Variants in NRBP2 observed in about 807,000 individuals in gnomAD.
NRBP2 encodes the protein nuclear receptor-binding protein 2.
In NRBP2, 47 loss-of-function variants were observed where a neutral mutation model predicts 74.4. That is an observed-to-expected ratio of 0.63 (90% CI 0.50 to 0.81). The LOEUF (loss-of-function observed/expected upper bound fraction) is 0.81, where lower values mean the gene tolerates loss of function less well. Ranked by LOEUF, NRBP2 falls within the 30% of genes least tolerant of loss-of-function variation. NRBP2 has a pLI of 0.00. For missense variants in NRBP2, 613 were observed against 690.1 expected (o/e 0.89, Z 1.25); for synonymous variants, 312 against 273.8 (o/e 1.14, Z -1.38).
In NRBP2 at chr8:143,839,123, G is replaced by C; in HGVS notation, c.605-23C>G. 6.6e-7 allele frequency: 1 copy of C among 1,512,946 alleles called. No homozygotes were observed. The highest frequency in any genetic ancestry group is 8.8e-7 in the Non-Finnish European group (1 of 1,132,798). 93.7% of individuals were successfully genotyped at this position (1,512,946 alleles called of 1,614,324 possible). ...GTGCTGTGGGAGGGCGCAGAGCTGA[G>C]CGGGCGGGGACCTCTCCAGGACCCC... is the stretch of plus-strand genomic sequence containing the variant. On this transcript the variant is annotated intron_variant, in intron 7 of 17. Transcript: ENST00000442628. This position sits in a 1 kb window ranked among gnomAD's most constrained non-coding sequence, Gnocchi z 5.1.
Position 143,835,801 on chromosome 8 carries a change from G to GCCGCA in NRBP2, c.1437+14_1437+18dup, listed in dbSNP as rs781785008. 6.2e-7 allele frequency: 1 copy of GCCGCA among 1,600,904 alleles called. No homozygotes were observed. Among genetic ancestry groups the GCCGCA allele is most frequent in the Non-Finnish European group, 8.5e-7 (1 of 1,174,448 alleles). The stretch of plus-strand genomic sequence containing the variant: ...CCGTGCGCCCCCTCCGCCAGGCCGC[G>GCCGCA]CCGCACCGCCCAGCGCACCTCGTGG... On this transcript the variant is annotated intron_variant, in intron 17 of 17. Coordinates refer to ENST00000442628, the MANE Select transcript of NRBP2 (RefSeq NM_178564.4). This position sits in a 1 kb window ranked among gnomAD's most constrained non-coding sequence, Gnocchi z 4.9.
Position 143,838,674 on chromosome 8 carries a change from G to A in NRBP2, c.840+6C>T. On this transcript the variant is annotated splice_donor_region_variant and intron_variant, in intron 10 of 17. Coordinates refer to ENST00000442628, the MANE Select transcript of NRBP2 (RefSeq NM_178564.4). The stretch of plus-strand genomic sequence containing the variant: ...CAGCTGGGGAGGGGCAGGGCAAGCT[G>A]CTTACCCGCATGTTGGGGTCACTCA... 6.2e-7 allele frequency: 1 copy of A among 1,600,634 alleles called. No individual in the cohort carries two copies. The highest frequency in any genetic ancestry group is 8.5e-7 in the Non-Finnish European group (1 of 1,172,834).
chr8:143,834,465 C>CT lies in NRBP2; in HGVS notation c.*1196dup, dbSNP rs1442092783. On this transcript the variant is annotated 3_prime_UTR_variant, in exon 18 of 18. Coordinates refer to ENST00000442628, the MANE Select transcript of NRBP2 (RefSeq NM_178564.4). ...TAGAACCTCCAGGAAGGAAGGCAGCCTGCCAGCCTTGATTCTAGTCCAGTG... is the reference window on the plus strand; with the variant it reads ...TAGAACCTCCAGGAAGGAAGGCAGCCTTGCCAGCCTTGATTCTAGTCCAGTG... The CT allele has an allele frequency of 6.6e-6, 1 of 152,222 alleles. No individual in the cohort carries two copies. The highest frequency in any genetic ancestry group is 6.5e-5 in the Admixed American group (1 of 15,286). 9.4% of individuals were successfully genotyped at this position (152,222 alleles called of 1,614,324 possible).
At position 143,836,119 on chromosome 8, in the gene NRBP2, C is replaced by T. The variant is rs782290898; in HGVS notation, c.1317+8G>A. On this transcript the variant is annotated splice_region_variant and intron_variant, in intron 15 of 17. Coordinates refer to ENST00000442628, the MANE Select transcript of NRBP2 (RefSeq NM_178564.4). ...CACGGCAGCGCCGCCCTCCCAGGCC[C>T]CGCTCACATGCCAGCGCGCCTTGTC... The T allele has an allele frequency of 1.2e-6, 2 of 1,601,884 alleles. No individual in the cohort carries two copies. The highest frequency in any genetic ancestry group is 3.5e-5 in the Admixed American group (2 of 57,890).
intron 14 of NRBP2, 97 bp downstream of exon 14, chr8:143,836,942 C>CT: frequency 7.3e-7 from 1 of 1,374,772 alleles, no homozygotes; most frequent in Non-Finnish European, 1.0e-6. Flanking sequence ...GAGAGCTGGG[C>CT]TGTGGGGATG....
downstream of NRBP2, among the ~76,000 whole-genome samples, chr8:143,831,240 A>T (rs781991327): frequency 5.9e-5 from 9 of 152,242 alleles, no homozygotes; most frequent in Non-Finnish European, 2.9e-5. Context: ...ATTTTTACTG[A>T]TGGGCAACAT....
rs1554652276 is a variant in NRBP2 at position 143,837,594 on chromosome 8, G to C, written c.973+29C>G. On this transcript the variant is annotated intron_variant, in intron 11 of 17. Transcript: ENST00000442628. This position sits in a 1 kb window ranked among gnomAD's most constrained non-coding sequence, Gnocchi z 4.3. Reference sequence around the variant, plus strand: ...CCACGTCCCAACCTCCACCTCCCCAGCCACCCCCCGGGCCGGCCTGCTGCT... The same window carrying C: ...CCACGTCCCAACCTCCACCTCCCCACCCACCCCCCGGGCCGGCCTGCTGCT... 6.3e-7 allele frequency: 1 copy of C among 1,596,106 alleles called. No homozygotes were observed. Among genetic ancestry groups the C allele is most frequent in the Non-Finnish European group, 8.5e-7 (1 of 1,172,188 alleles).
At position 143,839,630 on chromosome 8, in the gene NRBP2, G is replaced by C; in HGVS notation, c.445-81C>G. Reference sequence around the variant, plus strand: ...CCTGCGGAGCCCGCCCCGCATCCTCGCCCAGCCCCTGTCCGAGGCCGCCGG... The same window carrying C: ...CCTGCGGAGCCCGCCCCGCATCCTCCCCCAGCCCCTGTCCGAGGCCGCCGG... On this transcript the variant is annotated intron_variant, in intron 4 of 17. Coordinates refer to ENST00000442628, the MANE Select transcript of NRBP2 (RefSeq NM_178564.4). This position sits in a 1 kb window ranked among gnomAD's most constrained non-coding sequence, Gnocchi z 5.1. 2.7e-6 allele frequency: 4 copies of C among 1,508,446 alleles called. No individual in the cohort carries two copies. Among genetic ancestry groups the C allele is most frequent in the Non-Finnish European group, 3.5e-6 (4 of 1,132,926 alleles). 93.4% of individuals were successfully genotyped at this position (1,508,446 alleles called of 1,614,324 possible).
At position 143,839,591 on chromosome 8, in the gene NRBP2, G is replaced by A. The variant is rs1554653089; in HGVS notation, c.445-42C>T. The A allele has an allele frequency of 1.3e-6, 2 of 1,519,022 alleles. No individual in the cohort carries two copies. The highest frequency in any genetic ancestry group is 2.5e-5 in the East Asian group (1 of 40,672). 94.1% of individuals were successfully genotyped at this position (1,519,022 alleles called of 1,614,324 possible). A position where few individuals can be genotyped will look rare whatever the true frequency, so the allele number is the denominator to read the frequency against. The stretch of plus-strand genomic sequence containing the variant: ...GACTCCGTCGGTCGGGTGGGCGCAG[G>A]AGAGGCGGCTGGGCCTGCGGAGCCC... On this transcript the variant is annotated intron_variant, in intron 4 of 17. Transcript: ENST00000442628. This position sits in a 1 kb window ranked among gnomAD's most constrained non-coding sequence, Gnocchi z 5.1.
rs1818360201 is a variant in NRBP2 at position 143,836,010 on chromosome 8, C to T, written c.1338G>A (p.Leu446=). The T allele has an allele frequency of 6.3e-7, 1 of 1,576,682 alleles. No individual in the cohort carries two copies. The change falls in exon 16 of 18, where the codon CTG becomes CTA. Residue 446 remains leucine (L), a synonymous_variant. Coordinates refer to ENST00000442628, the MANE Select transcript of NRBP2 (RefSeq NM_178564.4). ...ARWHLTLLLV[L]EDRLHRQLTY... is the part of the protein sequence containing the mutation. ...TCAGCTGCCGGTGCAGCCGGTCTTC[C>T]AGCACCAGAAGCAGAGTGAGCTGGG...
rs1234499502 is a variant in NRBP2, at chr8:143,835,752, G to T, written c.1438-22C>A. On this transcript the variant is annotated intron_variant, in intron 17 of 17. Transcript: ENST00000442628. This position sits in a 1 kb window ranked among gnomAD's most constrained non-coding sequence, Gnocchi z 4.9. ...CGTCCTGCGGAAGGAGGGAGGCATG[G>T]GGGACGGAGGGGCGCGGCCTGCCCC... The T allele has an allele frequency of 2.5e-6, 4 of 1,594,498 alleles. No homozygotes were observed. The East Asian group carries it at 9.0e-5, about 36-fold the overall frequency.
rs1381529619 is a variant in NRBP2, at chr8:143,835,476, C to T, written c.*186G>A. On this transcript the variant is annotated 3_prime_UTR_variant, in exon 18 of 18. Coordinates refer to ENST00000442628, the MANE Select transcript of NRBP2 (RefSeq NM_178564.4). This position sits in a 1 kb window ranked among gnomAD's most constrained non-coding sequence, Gnocchi z 4.9. ...AGGCCTAACGGCTCCCCCACACCCA[C>T]CCCCCAACCCCTCGGCGCCCAAGGC... The T allele has an allele frequency of 2.0e-5, 13 of 661,878 alleles. No individual in the cohort carries two copies. Among genetic ancestry groups the T allele is most frequent in the South Asian group, 3.4e-5 (2 of 59,676 alleles). The allele number at this position is 661,878 out of a possible 1,614,324, so 41.0% of individuals were successfully genotyped here.
rs1333458242 is a variant in NRBP2 at position 143,839,696 on chromosome 8, C to T, written c.444+40G>A. ...CCCAGTCCCCGAGGCTGCCCCAACC[C>T]CGTCCTGTCCCCGTGGCTGCCCCAG... On this transcript the variant is annotated intron_variant, in intron 4 of 17. Transcript: ENST00000442628. The surrounding 1 kb of genome is among the most constrained non-coding windows in gnomAD (Gnocchi z 5.1). The T allele has an allele frequency of 2.3e-5, 36 of 1,533,206 alleles. No homozygotes were observed. Among genetic ancestry groups the T allele is most frequent in the Non-Finnish European group, 3.1e-5 (36 of 1,145,978 alleles). The allele number at this position is 1,533,206 out of a possible 1,614,324, so 95.0% of individuals were successfully genotyped here.
Position 143,839,860 on chromosome 8 carries a change from C to T in NRBP2, c.355-35G>A, listed in dbSNP as rs1160938999. 6.5e-7 allele frequency: 1 copy of T among 1,535,258 alleles called. No individual in the cohort carries two copies. The highest frequency in any genetic ancestry group is 8.7e-7 in the Non-Finnish European group (1 of 1,146,122). On this transcript the variant is annotated intron_variant, in intron 3 of 17. Coordinates refer to ENST00000442628, the MANE Select transcript of NRBP2 (RefSeq NM_178564.4). The surrounding 1 kb of genome is among the most constrained non-coding windows in gnomAD (Gnocchi z 5.1). ...GCGAGCTCAGGATTTCCACCAGCTG[C>T]GGGTTCGTCCCCATGCCCGCCCCAC...
At chr8:143,838,964 G>A (rs1472673815) in intron 8 of NRBP2, 26 bp from the exon 9 acceptor site, 11 of 1,587,114 alleles carry the variant, frequency 6.9e-6, no homozygotes, top group African/African-American at 1.3e-5. Context: ...CACAGGACAC[G>A]TAGGAGAGAA....
chr8:143,836,022 C>A lies in NRBP2; in HGVS notation c.1326G>T (p.Leu442=). The part of the protein sequence containing the change: ...SEDKARWHLT[L]LLVLEDRLHR... The stretch of plus-strand genomic sequence containing the variant: ...GCAGCCGGTCTTCCAGCACCAGAAG[C>A]AGAGTGAGCTGGGGAGGCGGCGGGG... Residue 442 remains leucine, a synonymous_variant, in exon 16 of 18, where the codon CTG becomes CTT. Transcript: ENST00000442628. 2 of 1,573,836 alleles carry A rather than the reference C, an allele frequency of 1.3e-6. No homozygotes were observed. Among genetic ancestry groups the A allele is most frequent in the Admixed American group, 1.8e-5 (1 of 56,044 alleles).
intron 14 of NRBP2, 83 bp from the exon 15 acceptor site, chr8:143,836,263 A>G (rs1818380068): frequency 2.1e-6 from 3 of 1,431,350 alleles, no homozygotes; most frequent in African/African-American, 3.0e-5. Context: ...AAGGGACAGC[A>G]AAGACTGGAA....
At chr8:143,830,953 G>A (rs1818139031), downstream of NRBP2, among the ~76,000 whole-genome samples, 2 of 152,328 alleles carry the variant, frequency 1.3e-5, no homozygotes, top group South Asian at 4.1e-4. Context: ...TATAATGACA[G>A]AACCAGATAG....
chr8:143,840,944 G>T lies in NRBP2; in HGVS notation c.-110C>A. The stretch of plus-strand genomic sequence containing the variant: ...AGCCCAGCCTAGAGCCGCCGCGGCA[G>T]CCTAGAGCCCCAGCCCCGGCTCTGG... On this transcript the variant is annotated 5_prime_UTR_variant, in exon 1 of 18. It adds an upstream start codon to the 5' untranslated region. Transcript: ENST00000442628. The surrounding 1 kb of genome is among the most constrained non-coding windows in gnomAD (Gnocchi z 5.7). 8.7e-7 allele frequency: 1 copy of T among 1,153,078 alleles called. No homozygotes were observed. Among genetic ancestry groups the T allele is most frequent in the South Asian group, 4.3e-5 (1 of 23,282 alleles). The allele number at this position is 1,153,078 out of a possible 1,614,324, so 71.4% of individuals were successfully genotyped here.
Sources: gnomAD v4.1 joint callset for allele counts (sites outside exome capture counted in the v4.1 genomes callset) on GRCh38, gnomAD v4.1.1 for gene constraint, Gnocchi (gnomAD v3.1) non-coding constraint, MANE v1.5 for transcripts, NCBI Gene and HGNC (gene_info 2026-07-23, HGNC 2026-07-21) for gene names.